Variants in CACNA1A observed in about 807,000 individuals in gnomAD.
CACNA1A encodes voltage-dependent P/Q-type calcium channel subunit alpha-1A.
A neutral mutation model predicts 262.4 loss-of-function variants in CACNA1A; 57 were observed. The ratio of observed to expected loss-of-function variants is 0.22; its 90% CI spans 0.18 to 0.27. CACNA1A has a LOEUF of 0.27. CACNA1A is among the 10% of genes least tolerant of loss of function. The pLI is 1.00. For synonymous variants in CACNA1A, 1,431 were observed against 1,419.3 expected, an observed-to-expected ratio of 1.01 and a Z score of -0.18; for missense variants, 2,526 against 3,562.8, an observed-to-expected ratio of 0.71 and a Z score of 7.41.
rs751926317 is a variant in CACNA1A, at chr19:13,208,842, G to A, written c.6694C>T (p.Arg2232Trp). 2.7e-5 allele frequency: 42 copies of A among 1,537,422 alleles called. No homozygotes were observed. The highest frequency in any genetic ancestry group is 2.1e-4 in the African/African-American group (15 of 73,138). Residue 2232 changes from arginine (R) to tryptophan (W), a missense_variant, in exon 46 of 47, where the codon CGG becomes TGG. Physicochemically the swap from Arg to Trp is moderately radical, Grantham distance 101. This residue lies in a region of CACNA1A where 929 missense variants were observed against 868.1 expected (regional missense o/e 1.07). Transcript: ENST00000360228. The part of the protein sequence containing the change: ...PPDKDRYAQE[R>W]PDHGRARARD... ...GCCCGTGCCCGGCCGTGGTCCGGCCGTTCCTGGGCATAGCGGTCCTTGTCG... is the reference window on the plus strand; with the variant it reads ...GCCCGTGCCCGGCCGTGGTCCGGCCATTCCTGGGCATAGCGGTCCTTGTCG...
chr19:13,330,868 C>A (rs1325981514), intron 9 of CACNA1A, among the ~76,000 whole-genome samples: 1 of 152,164 alleles, frequency 6.6e-6, no homozygotes, highest in African/African-American at 2.4e-5. Context: ...GGATTACAGG[C>A]GTGAGCCGCC....
At chr19:13,285,532 A>G (rs148561471) in intron 20 of CACNA1A, among the ~76,000 whole-genome samples, 176 of 152,030 alleles carry the variant, frequency 1.2e-3, no homozygotes, top group African/African-American at 3.8e-3. Flanking sequence ...TATAGCCTTG[A>G]GTGCGGTGGG....
intron 1 of CACNA1A, among the ~76,000 whole-genome samples, chr19:13,480,962 C>T (rs1363300943): frequency 6.6e-6 from 1 of 152,012 alleles, no homozygotes; most frequent in African/African-American, 2.4e-5. Context: ...CCGTGGACTC[C>T]GAATCTAGAT....
chr19:13,283,486 C>T (rs2057335406), intron 21 of CACNA1A, 90 bp from the exon 22 acceptor site: 6 of 1,514,064 alleles, frequency 4.0e-6, no homozygotes, highest in Non-Finnish European at 5.4e-6. Flanking sequence ...CCTACCACTA[C>T]TGAGATCTCC....
intron 11 of CACNA1A, among the ~76,000 whole-genome samples, chr19:13,314,202 T>C (rs1185480782): frequency 1.3e-5 from 2 of 151,930 alleles, no homozygotes; most frequent in African/African-American, 4.8e-5. Context: ...AAAGGAGAGA[T>C]GAGGAGGGTT....
intron 10 of CACNA1A, 146 bp from the exon 11 acceptor site, chr19:13,317,467 T>A (rs1259598663): frequency 1.6e-6 from 1 of 632,064 alleles, no homozygotes; most frequent in Non-Finnish European, 2.7e-6. Flanking sequence ...TCATGACCCA[T>A]GGGCTTAGTT....
At chr19:13,232,384 T>G (rs575288243) in intron 34 of CACNA1A, among the ~76,000 whole-genome samples, 55 of 152,046 alleles carry the variant, frequency 3.6e-4, no homozygotes, top group Non-Finnish European at 6.2e-4. Context: ...TATTTTTTTT[T>G]GTAGAGATGG....
intron 22 of CACNA1A, among the ~76,000 whole-genome samples, chr19:13,282,601 TCTG>T (rs1268613694): frequency 6.6e-6 from 1 of 151,944 alleles, no homozygotes. Flanking sequence ...GAGTTGGAAT[TCTG>T]CTGTGTGACC....
At chr19:13,240,628 G>C (rs1318655688) in intron 31 of CACNA1A, among the ~76,000 whole-genome samples, 4 of 151,642 alleles carry the variant, frequency 2.6e-5, no homozygotes, top group African/African-American at 9.7e-5. Flanking sequence ...TGTGCAGTGT[G>C]TGTGCAGTGT....
rs2054586003 is a variant in CACNA1A at position 13,206,921 on chromosome 19, TCCC to T, written c.*389_*391del. ...CTCATCAATAGAAGCTATTTTTTTCTCCCCGTTTTTTCTTTTAAAAATGTTTTT... is the reference window on the plus strand; with the variant it reads ...CTCATCAATAGAAGCTATTTTTTTCTCGTTTTTTCTTTTAAAAATGTTTTT... On this transcript the variant is annotated 3_prime_UTR_variant, in exon 47 of 47. Coordinates refer to ENST00000360228, the MANE Select transcript of CACNA1A (RefSeq NM_001127222.2). 1.3e-5 allele frequency: 2 copies of T among 150,184 alleles called. No homozygotes were observed. Among genetic ancestry groups the T allele is most frequent in the South Asian group, 1.9e-4 (1 of 5,252 alleles). 9.3% of individuals were successfully genotyped at this position (150,184 alleles called of 1,614,324 possible).
At chr19:13,379,083 T>C (rs1268707335) in intron 3 of CACNA1A, among the ~76,000 whole-genome samples, 2 of 151,734 alleles carry the variant, frequency 1.3e-5, no homozygotes, top group East Asian at 3.9e-4. Context: ...CAGGCTCAAG[T>C]GAGCCTCCCA....
At chr19:13,451,387 C>T (rs1449009079) in intron 3 of CACNA1A, 1 of 152,144 alleles carries the variant, frequency 6.6e-6, no homozygotes, top group Admixed American at 6.6e-5. Context: ...AAAAGGTGTC[C>T]AGTGAAGAAG....
At chr19:13,245,319 C>A (rs950642102) in intron 30 of CACNA1A, 54 bp from the exon 31 acceptor site, 2 of 1,469,770 alleles carry the variant, frequency 1.4e-6, no homozygotes, top group Non-Finnish European at 1.9e-6. Flanking sequence ...GGTTCCCGGC[C>A]CCCTAGGCTG....
chr19:13,312,148 G>A (rs2419245), intron 12 of CACNA1A, among the ~76,000 whole-genome samples: 44,603 of 151,994 alleles, frequency 0.29, 7,121 homozygotes, highest in East Asian at 0.46. Context: ...GGTTTTGTGT[G>A]GACTAGTGGG....
chr19:13,340,230 C>T (rs1241278906), intron 6 of CACNA1A, among the ~76,000 whole-genome samples: 1 of 152,066 alleles, frequency 6.6e-6, no homozygotes, highest in East Asian at 1.9e-4. Context: ...GCCAACAAGA[C>T]CCGAATCTGC....
intron 6 of CACNA1A, among the ~76,000 whole-genome samples, chr19:13,346,639 TATATATATATATATA>T (rs2058775015): frequency 1.0e-3 from 9 of 8,864 alleles, no homozygotes; most frequent in Non-Finnish European, 1.6e-3. Context: ...TATATATATA[TATATATATATATATA>T]TATATATATA....
Position 13,427,946 on chromosome 19 carries a change from T to G in CACNA1A, c.539+24930A>C, listed in dbSNP as rs187744723. Among the ~76,000 whole-genome samples the G allele has an allele frequency of 4.2e-4, 59 of 141,994 alleles. No homozygotes were observed. In the East Asian group the frequency reaches 5.8e-3, roughly 14 times the overall value. The allele number at this position is 141,994 out of a possible 152,430, so 93.2% of individuals were successfully genotyped here. A position where few individuals can be genotyped will look rare whatever the true frequency, so the allele number is the denominator to read the frequency against. On this transcript the variant is annotated intron_variant, in intron 3 of 46. Coordinates refer to ENST00000360228, the MANE Select transcript of CACNA1A (RefSeq NM_001127222.2). ...GTAAAATGTGGATAATAACAGGTTG[T>G]TTTTTTTTGTGTGTGTGACAGAGTT...
At chr19:13,487,165 G>C (rs920422282) in intron 1 of CACNA1A, among the ~76,000 whole-genome samples, 1 of 152,184 alleles carries the variant, frequency 6.6e-6, no homozygotes, top group African/African-American at 2.4e-5. Flanking sequence ...ACAAGTTGTA[G>C]GTCTTATTTA....
intron 1 of CACNA1A, among the ~76,000 whole-genome samples, chr19:13,469,780 C>T (rs2061319096): frequency 6.6e-6 from 1 of 151,796 alleles, no homozygotes; most frequent in African/African-American, 2.4e-5. Context: ...TCTTTAACCA[C>T]CTCCCAGCTC....
Sources: gnomAD v4.1 joint callset for allele counts (sites outside exome capture counted in the v4.1 genomes callset) on GRCh38, gnomAD v4.1.1 for gene constraint, gnomAD v4.1.1 regional missense constraint, MANE v1.5 for transcripts, NCBI Gene and HGNC (gene_info 2026-07-23, HGNC 2026-07-21) for gene names.